FASTKD1: variants seen among roughly 807,000 people sequenced by gnomAD.
FASTKD1 encodes the protein FAST kinase domains 1, also known as FAST kinase domain-containing protein 1, mitochondrial.
FASTKD1 carries 94 observed loss-of-function variants against 90.9 expected under a neutral mutation model. The observed-to-expected ratio is 1.03, with a 90% CI of 0.88 to 1.23. The LOEUF is 1.23. Among genes scored for constraint, FASTKD1 ranks in the 50% most tolerant of loss-of-function variants. The probability of loss-of-function intolerance (pLI) is 0.00; values close to 1 mark genes in which losing one functional copy is unlikely to be tolerated. For synonymous variants in FASTKD1, 319 were observed against 345.8 expected, an observed-to-expected ratio of 0.92 and a Z score of 0.86; for missense variants, 945 against 993.5, an observed-to-expected ratio of 0.95 and a Z score of 0.66.
chr2:169,567,451 TTATAGG>T (rs1321874013), intron 3 of FASTKD1, among the ~76,000 whole-genome samples: 2 of 152,156 alleles, frequency 1.3e-5, no homozygotes, highest in African/African-American at 4.8e-5. Context: ...CTCAATATAC[TTATAGG>T]TAGAGAGTAT....
rs1360041787 is a variant in FASTKD1, at chr2:169,529,673, C to T, written c.*152G>A. 1 of 594,182 alleles carries T rather than the reference C, an allele frequency of 1.7e-6. No individual in the cohort carries two copies. The highest frequency in any genetic ancestry group is 1.9e-5 in the African/African-American group (1 of 53,150). 36.8% of individuals were successfully genotyped at this position (594,182 alleles called of 1,614,324 possible). On this transcript the variant is annotated 3_prime_UTR_variant, in exon 15 of 15. Transcript: ENST00000453153. ...ACTCCCACCCCACTCCCCACTTGTT[C>T]TGCTCCAGCCACACTGGATCCTTTG...
chr2:169,536,092 T>A (rs1041856749), intron 12 of FASTKD1, among the ~76,000 whole-genome samples: 2 of 151,996 alleles, frequency 1.3e-5, no homozygotes, highest in Admixed American at 1.3e-4. Context: ...ACCAGCAACA[T>A]AGTGAGACCC....
intron 5 of FASTKD1, among the ~76,000 whole-genome samples, 165 bp from the exon 6 acceptor site, chr2:169,557,462 T>C (rs1683374249): frequency 6.6e-6 from 1 of 152,164 alleles, no homozygotes; most frequent in African/African-American, 2.4e-5. Context: ...ATATAAAATA[T>C]TACTGAATAA....
At chr2:169,560,830 T>G (rs199627348) in intron 4 of FASTKD1, 45 bp from the exon 5 acceptor site, 1 of 894,384 alleles carries the variant, frequency 1.1e-6, no homozygotes, top group Non-Finnish European at 1.5e-6. Context: ...CAATTAAGAA[T>G]GATCAATTCT....
intron 12 of FASTKD1, among the ~76,000 whole-genome samples, chr2:169,534,171 A>T (rs1332827695): frequency 7.2e-6 from 1 of 139,468 alleles, no homozygotes; most frequent in African/African-American, 2.7e-5. Flanking sequence ...GTGACAGAAC[A>T]AGACCCTTTC....
chr2:169,560,836 A>ATTT, intron 4 of FASTKD1, 51 bp from the exon 5 acceptor site: 4 of 755,036 alleles, frequency 5.3e-6, no homozygotes, highest in Middle Eastern at 3.3e-4. Context: ...AGAATGATCA[A>ATTT]TTCTTTTTTT....
intron 14 of FASTKD1, 134 bp from the exon 15 acceptor site, chr2:169,530,060 C>A: frequency 1.6e-6 from 1 of 640,588 alleles, no homozygotes; most frequent in Non-Finnish European, 2.6e-6. Context: ...AGCCTGTGAA[C>A]CTCTACTGGA....
intron 2 of FASTKD1, among the ~76,000 whole-genome samples, chr2:169,570,058 C>T (rs749306224): frequency 1.1e-4 from 16 of 152,062 alleles, no homozygotes; most frequent in Non-Finnish European, 1.6e-4. Flanking sequence ...AGCCCCAAGC[C>T]CCTTTCCTAT....
At chr2:169,548,043 A>G (rs1685296418) in intron 7 of FASTKD1, among the ~76,000 whole-genome samples, 2 of 151,564 alleles carry the variant, frequency 1.3e-5, no homozygotes, top group South Asian at 4.1e-4. Context: ...AAAGAAAAAA[A>G]AATCTTTAAG....
chr2:169,563,510 G>C, intron 3 of FASTKD1, 160 bp from the exon 4 acceptor site: 1 of 391,358 alleles, frequency 2.6e-6, no homozygotes, highest in Non-Finnish European at 4.3e-6. Context: ...CAGTTAAAAA[G>C]TCAGATACTG....
At position 169,560,665 on chromosome 2, in the gene FASTKD1, T is replaced by C. The variant is rs765404917; in HGVS notation, c.693A>G (p.Ala231=). 13 of 1,613,334 alleles carry C rather than the reference T, an allele frequency of 8.1e-6. No individual in the cohort carries two copies. In the South Asian group the frequency reaches 9.9e-5, roughly 12 times the overall value. Residue 231 remains alanine, a synonymous_variant, in exon 5 of 15, where the codon GCA becomes GCG. Transcript: ENST00000453153. ...DTIDSSEVNV[A]KSIAKFLRNV... ...TTCGAAGAAACTTTGCTATGCTTTT[T>C]GCAACGTTGACCTCAGAAGAATCTA...
intron 10 of FASTKD1, among the ~76,000 whole-genome samples, 182 bp from the exon 11 acceptor site, chr2:169,538,323 C>T (rs537380437): frequency 1.3e-5 from 2 of 152,222 alleles, no homozygotes; most frequent in Non-Finnish European, 2.9e-5. Context: ...CATTCAGTGA[C>T]ATGATTAGGA....
At chr2:169,535,170 T>TTTTTGTTTTG (rs529175558) in intron 12 of FASTKD1, among the ~76,000 whole-genome samples, 2 of 151,720 alleles carry the variant, frequency 1.3e-5, no homozygotes, top group Non-Finnish European at 2.9e-5. Context: ...CAATGTTTGT[T>TTTTTGTTTTG]TTTTGTTTTG....
chr2:169,533,616 TATAAAA>T (rs1262807713), intron 12 of FASTKD1, among the ~76,000 whole-genome samples: 2 of 152,116 alleles, frequency 1.3e-5, no homozygotes, highest in Non-Finnish European at 2.9e-5. Flanking sequence ...ATAAGCAATA[TATAAAA>T]ATAAACCTAT....
At chr2:169,555,000 AT>A (rs1683229482) in intron 7 of FASTKD1, 123 bp downstream of exon 7, 2 of 868,212 alleles carry the variant, frequency 2.3e-6, no homozygotes, top group East Asian at 2.8e-5. Flanking sequence ...GTGTCTTAAC[AT>A]TTTTACTAAT....
Position 169,546,533 on chromosome 2 carries a change from A to G in FASTKD1, c.1386T>C (p.Ile462=). 1 of 1,614,148 alleles carries G rather than the reference A, an allele frequency of 6.2e-7. No homozygotes were observed. The highest frequency in any genetic ancestry group is 8.5e-7 in the Non-Finnish European group (1 of 1,180,024). ...TATCCAAATACATGTGATCATGCTG[A>G]ATCCATCTTAAAACAGATGTGGCAA... ...SSFATSVLRW[I]QHDHMYLDNM... Residue 462 remains isoleucine (I), a synonymous_variant, in exon 8 of 15, where the codon ATT becomes ATC. Coordinates refer to ENST00000453153, the MANE Select transcript of FASTKD1 (RefSeq NM_024622.6).
At chr2:169,564,750 G>T (rs13017164) in intron 3 of FASTKD1, among the ~76,000 whole-genome samples, 19,066 of 151,590 alleles carry the variant, frequency 0.13, 1,479 homozygotes, top group Non-Finnish European at 0.18. Context: ...GGTAACCATC[G>T]TTCTGCTCTC....
chr2:169,536,467 T>C (rs1684728501), intron 12 of FASTKD1, among the ~76,000 whole-genome samples: 2 of 152,140 alleles, frequency 1.3e-5, no homozygotes, highest in African/African-American at 4.8e-5. Context: ...ACCAACTTTT[T>C]TGTTATTATT....
chr2:169,562,058 T>G lies in FASTKD1; in HGVS notation c.572+1167A>C, dbSNP rs962622607. Among the ~76,000 whole-genome samples, 434 of 125,648 alleles carry G rather than the reference T, an allele frequency of 3.5e-3. 118 individuals are homozygous for G. The highest frequency in any genetic ancestry group is 6.2e-3 in the Admixed American group (70 of 11,312). 82.4% of individuals were successfully genotyped at this position (125,648 alleles called of 152,430 possible). A position where few individuals can be genotyped will look rare whatever the true frequency, so the allele number is the denominator to read the frequency against. ...TAATTTATTGTAAATTAATTATTTA[T>G]TAATTTATTGTAAAATAATTATTTA... On this transcript the variant is annotated intron_variant, in intron 4 of 14. Coordinates refer to ENST00000453153, the MANE Select transcript of FASTKD1 (RefSeq NM_024622.6).
Sources: allele counts gnomAD v4.1 joint callset (sites outside exome capture counted in the v4.1 genomes callset), GRCh38; gene constraint gnomAD v4.1.1; transcripts MANE v1.5; gene names NCBI Gene and HGNC (gene_info 2026-07-23, HGNC 2026-07-21).